PGM2L1: variants seen among roughly 807,000 people sequenced by gnomAD.
PGM2L1 encodes the protein phosphoglucomutase 2 like 1, also known as glucose 1,6-bisphosphate synthase.
In PGM2L1, 35 loss-of-function variants were observed where a neutral mutation model predicts 73.4. That is an observed-to-expected ratio of 0.48 (90% CI 0.36 to 0.63). The LOEUF is 0.63. Among genes scored for constraint, PGM2L1 ranks in the 30% least tolerant of loss-of-function variants. PGM2L1 has a pLI of 0.00. For synonymous variants in PGM2L1, 225 were observed against 253.8 expected, an observed-to-expected ratio of 0.89 and a Z score of 1.08; for missense variants, 570 against 742.0, an observed-to-expected ratio of 0.77 and a Z score of 2.69.
chr11:74,380,927 G>C (rs1334708522), intron 1 of PGM2L1, among the ~76,000 whole-genome samples: 6 of 152,156 alleles, frequency 3.9e-5, no homozygotes, highest in Non-Finnish European at 4.4e-5. Flanking sequence ...AAAGATCACT[G>C]AACTATAATT....
At chr11:74,374,347 G>T (rs1862824424) in intron 2 of PGM2L1, 68 bp downstream of exon 2, 39 of 1,340,994 alleles carry the variant, frequency 2.9e-5, no homozygotes, top group Non-Finnish European at 3.8e-5. Context: ...CTCCCAAACT[G>T]CTGGGATTAC....
chr11:74,377,258 C>G (rs961138772), intron 1 of PGM2L1, among the ~76,000 whole-genome samples: 1 of 151,966 alleles, frequency 6.6e-6, no homozygotes, highest in Non-Finnish European at 1.5e-5. Flanking sequence ...CCTCAGCCTC[C>G]CGAGTAGCTG....
At chr11:74,392,760 T>G (rs1863121914) in intron 1 of PGM2L1, among the ~76,000 whole-genome samples, 1 of 152,240 alleles carries the variant, frequency 6.6e-6, no homozygotes, top group African/African-American at 2.4e-5. Context: ...CAGGATGGTC[T>G]CGATCTCCTG....
At position 74,348,744 on chromosome 11, in the gene PGM2L1, C is replaced by T. The variant is rs12286433; in HGVS notation, c.750-1407G>A. Among the ~76,000 whole-genome samples, 606 of 152,250 alleles carry T rather than the reference C, an allele frequency of 4.0e-3. 6 individuals carry two copies. Among genetic ancestry groups the T allele is most frequent in the African/African-American group, 0.014 (573 of 41,534 alleles). ...ATGTCATTTATTGAAGAAACTGGCCCATTTGTCCTGTAGAATTTCCTGTAT... is the reference window on the plus strand; with the variant it reads ...ATGTCATTTATTGAAGAAACTGGCCTATTTGTCCTGTAGAATTTCCTGTAT... On this transcript the variant is annotated intron_variant, in intron 6 of 13. Coordinates refer to ENST00000298198, the MANE Select transcript of PGM2L1 (RefSeq NM_173582.6).
intron 5 of PGM2L1, among the ~76,000 whole-genome samples, chr11:74,351,840 T>C (rs1299659): frequency 0.025 from 3,737 of 151,928 alleles, 169 homozygotes; most frequent in African/African-American, 0.086. Context: ...CAGGCGCCTG[T>C]AGTCCCAGCT....
chr11:74,338,619 A>G lies in PGM2L1; in HGVS notation c.1633-18T>C, dbSNP rs1862134612. ...GGCAGCACCTATGCAAAATGGCAACAACAGCTTAATTATACTTGGCATCTT... is the reference window on the plus strand; with the variant it reads ...GGCAGCACCTATGCAAAATGGCAACGACAGCTTAATTATACTTGGCATCTT... On this transcript the variant is annotated intron_variant, in intron 12 of 13. Transcript: ENST00000298198. 1.3e-6 allele frequency: 2 copies of G among 1,572,994 alleles called. No homozygotes were observed. The highest frequency in any genetic ancestry group is 1.7e-6 in the Non-Finnish European group (2 of 1,150,540).
chr11:74,351,385 G>A lies in PGM2L1; in HGVS notation c.747C>T (p.Tyr249=). 1.2e-6 allele frequency: 2 copies of A among 1,611,942 alleles called. No individual in the cohort carries two copies. Among genetic ancestry groups the A allele is most frequent in the Non-Finnish European group, 1.7e-6 (2 of 1,179,196 alleles). Residue 249 remains tyrosine (Y), a splice_region_variant and synonymous_variant, in exon 6 of 14, where the codon TAC becomes TAT. Coordinates refer to ENST00000298198, the MANE Select transcript of PGM2L1 (RefSeq NM_173582.6). ...ATCTGATATTCTCACTTGGATACCT[G>A]TAAAAACAGATCTTTTTCAGATCTT... ...YMEDLKKICF[Y]RELNSKTTLK... is the part of the protein sequence containing the mutation.
Position 74,343,070 on chromosome 11 carries a change from T to C in PGM2L1, c.1313-56A>G, listed in dbSNP as rs147988022. 1.7e-4 allele frequency: 256 copies of C among 1,523,806 alleles called. 1 individual carries two copies. In the African/African-American group the frequency reaches 3.0e-3, roughly 18 times the overall value. 94.4% of individuals were successfully genotyped at this position (1,523,806 alleles called of 1,614,324 possible). On this transcript the variant is annotated intron_variant, in intron 10 of 13. Transcript: ENST00000298198. ...GGAAAACTTAAGGCTATAATTTCAATAGTTTTACATTTCTTCAGAAGGACC... is the reference window on the plus strand; with the variant it reads ...GGAAAACTTAAGGCTATAATTTCAACAGTTTTACATTTCTTCAGAAGGACC...
chr11:74,381,514 G>T (rs1206328983), intron 1 of PGM2L1, among the ~76,000 whole-genome samples: 1 of 150,900 alleles, frequency 6.6e-6, no homozygotes, highest in Non-Finnish European at 1.5e-5. Context: ...TTTTCACTGT[G>T]TAAGCCACTG....
In PGM2L1 at chr11:74,334,745, T is replaced by C. The variant is rs1591160374; in HGVS notation, c.*1907A>G. On this transcript the variant is annotated 3_prime_UTR_variant, in exon 14 of 14. Coordinates refer to ENST00000298198, the MANE Select transcript of PGM2L1 (RefSeq NM_173582.6). ...TCAAACTTTATATTATTATTTTATA[T>C]GAAATAAATTCTCTAATTACAGTGC... The C allele has an allele frequency of 6.6e-6, 1 of 152,228 alleles. No individual in the cohort carries two copies. Among genetic ancestry groups the C allele is most frequent in the South Asian group, 2.1e-4 (1 of 4,832 alleles). The allele number at this position is 152,228 out of a possible 1,614,324, so 9.4% of individuals were successfully genotyped here.
Position 74,398,157 on chromosome 11 carries a change from G to T in PGM2L1, c.5C>A (p.Ala2Asp), listed in dbSNP as rs1863210116. 1 of 1,609,644 alleles carries T rather than the reference G, an allele frequency of 6.2e-7. No individual in the cohort carries two copies. Among genetic ancestry groups the T allele is most frequent in the African/African-American group, 1.3e-5 (1 of 74,960 alleles). Residue 2 changes from alanine to aspartate, a missense_variant, in exon 1 of 14, where the codon GCT (alanine) becomes GAT (aspartate). Coordinates refer to ENST00000298198, the MANE Select transcript of PGM2L1 (RefSeq NM_173582.6). M[A>D]ENTEGDLNSN... is the part of the protein sequence containing the mutation. ...GTTCAGATCCCCCTCTGTGTTTTCA[G>T]CCATGGCGACCAGACAGGCGTACGG... is the stretch of plus-strand genomic sequence containing the variant.
At position 74,336,710 on chromosome 11, in the gene PGM2L1, G is replaced by A; in HGVS notation, c.1811C>T (p.Ala604Val). ...LEEELKKLID[A>V]LIENFLQPSK... is the part of the protein sequence containing the mutation. ...AGGCTGAAGAAAATTCTCTATCAGAGCATCAATGAGTTTCTTCAGTTCTTC... is the reference window on the plus strand; with the variant it reads ...AGGCTGAAGAAAATTCTCTATCAGAACATCAATGAGTTTCTTCAGTTCTTC... Residue 604 changes from alanine to valine, a missense_variant, in exon 14 of 14, where the codon GCT becomes GTT. Transcript: ENST00000298198. 1 of 1,613,000 alleles carries A rather than the reference G, an allele frequency of 6.2e-7. No homozygotes were observed. Among genetic ancestry groups the A allele is most frequent in the Non-Finnish European group, 8.5e-7 (1 of 1,179,288 alleles).
intron 1 of PGM2L1, among the ~76,000 whole-genome samples, chr11:74,388,905 T>C (rs1863052141): frequency 6.6e-6 from 1 of 152,196 alleles, no homozygotes; most frequent in East Asian, 1.9e-4. Context: ...AGTTGACTAA[T>C]GAAAACAATA....
At position 74,366,284 on chromosome 11, in the gene PGM2L1, C is replaced by G. The variant is rs554342188; in HGVS notation, c.555+2208G>C. Among the ~76,000 whole-genome samples, 3 of 151,092 alleles carry G rather than the reference C, an allele frequency of 2.0e-5. No homozygotes were observed. In the East Asian group the frequency reaches 5.9e-4, roughly 30 times the overall value. On this transcript the variant is annotated intron_variant, in intron 5 of 13. Transcript: ENST00000298198. ...GTAAATGATGAGTTAATGGGTGCAG[C>G]ACACCAACATGGCACATGTATACAT... is the stretch of plus-strand genomic sequence containing the variant.
At chr11:74,346,580 G>A in intron 8 of PGM2L1, 152 bp downstream of exon 8, 1 of 552,050 alleles carries the variant, frequency 1.8e-6, no homozygotes, top group Non-Finnish European at 3.2e-6. Context: ...AATTATCAAA[G>A]TATCAACTTA....
chr11:74,351,428 A>C lies in PGM2L1; in HGVS notation c.704T>G (p.Ile235Ser), dbSNP rs2134896750. Residue 235 changes from isoleucine to serine, a missense_variant, in exon 6 of 14, where the codon ATT (isoleucine) becomes AGT (serine). By Grantham distance (142) the Ile-to-Ser change is moderately radical. Transcript: ENST00000298198. ...SPLKRDPLQD[I>S]CRRYMEDLKK... ...CAGATCTTCCATGTATCTCCTGCAA[A>C]TGTCCTGCAGAGGGTCTCTCTTCAG... 2 of 1,613,896 alleles carry C rather than the reference A, an allele frequency of 1.2e-6. No individual in the cohort carries two copies. Among genetic ancestry groups the C allele is most frequent in the Middle Eastern group, 1.7e-4 (1 of 6,012 alleles).
At chr11:74,383,024 T>A (rs1167618318) in intron 1 of PGM2L1, among the ~76,000 whole-genome samples, 2 of 152,230 alleles carry the variant, frequency 1.3e-5, no homozygotes, top group Non-Finnish European at 2.9e-5. Flanking sequence ...GTAGCTTAAA[T>A]ATTAAATAGT....
At position 74,357,739 on chromosome 11, in the gene PGM2L1, G is replaced by A. The variant is rs1862482127; in HGVS notation, c.556-6163C>T. On this transcript the variant is annotated intron_variant, in intron 5 of 13. Coordinates refer to ENST00000298198, the MANE Select transcript of PGM2L1 (RefSeq NM_173582.6). ...GATGTGCACACAAATATTTATAGCA[G>A]CTTTATTCATAATTGCCAAAACTTG... Among the ~76,000 whole-genome samples the A allele has an allele frequency of 2.7e-5, 4 of 147,764 alleles. No individual in the cohort carries two copies. In the South Asian group the frequency reaches 8.9e-4, roughly 33 times the overall value.
chr11:74,349,342 CA>C (rs1450785290), intron 6 of PGM2L1, among the ~76,000 whole-genome samples: 1 of 152,178 alleles, frequency 6.6e-6, no homozygotes, highest in Non-Finnish European at 1.5e-5. Flanking sequence ...GTATTACTAA[CA>C]GTCATGGGCT....
Sources: allele counts gnomAD v4.1 joint callset (sites outside exome capture counted in the v4.1 genomes callset), GRCh38; gene constraint gnomAD v4.1.1; transcripts MANE v1.5; gene names NCBI Gene and HGNC (gene_info 2026-07-23, HGNC 2026-07-21).